FTO: variants seen among roughly 807,000 people sequenced by gnomAD.
FTO encodes FTO alpha-ketoglutarate dependent dioxygenase.
FTO carries 47 observed loss-of-function variants against 63.9 expected under a neutral mutation model. The ratio of observed to expected loss-of-function variants is 0.74; its 90% CI spans 0.58 to 0.94. The LOEUF is 0.94. Among genes scored for constraint, FTO ranks in the 40% least tolerant of loss-of-function variants. The probability of loss-of-function intolerance (pLI) is 0.00; values close to 1 mark genes in which losing one functional copy is unlikely to be tolerated. For missense variants in FTO, 562 were observed against 618.1 expected (o/e 0.91, Z 0.96); for synonymous variants, 207 against 224.4 (o/e 0.92, Z 0.69).
At position 53,722,706 on chromosome 16, in the gene FTO, T is replaced by C. The variant is rs2076067357; in HGVS notation, c.45+18477T>C. On this transcript the variant is annotated intron_variant, in intron 1 of 8. Transcript: ENST00000471389. The stretch of plus-strand genomic sequence containing the variant: ...AGCCGGGTGTGGTGGTGTGTGCTTA[T>C]AATACCAGCTACTCGGGAAGCTGAG... Among the ~76,000 whole-genome samples the C allele has an allele frequency of 2.0e-5, 3 of 152,062 alleles. 1 individual carries two copies. In the South Asian group the frequency reaches 6.2e-4, roughly 32 times the overall value.
intron 8 of FTO, chr16:53,979,476 A>G (rs1346319290): frequency 5.0e-6 from 2 of 398,292 alleles, no homozygotes; most frequent in African/African-American, 4.1e-5. Flanking sequence ...AATTTTATGG[A>G]CTAAAAGTAA....
At chr16:53,911,326 C>G (rs117088391) in intron 7 of FTO, 10,757 of 700,410 alleles carry the variant, frequency 0.015, 117 homozygotes, top group Middle Eastern at 0.029. Flanking sequence ...GTCAGTGGAA[C>G]AGCCAGAGAT....
chr16:53,941,107 C>G (rs760505451), intron 8 of FTO, among the ~76,000 whole-genome samples: 20 of 152,348 alleles, frequency 1.3e-4, no homozygotes, highest in Admixed American at 2.6e-4. Context: ...CCACCGGTAT[C>G]TGTCTCCCCT....
chr16:53,932,385 T>A (rs1306757570), intron 7 of FTO, among the ~76,000 whole-genome samples: 1 of 151,724 alleles, frequency 6.6e-6, no homozygotes, highest in Admixed American at 6.6e-5. Context: ...AAACAGATTC[T>A]GATGTGGTTT....
In FTO at chr16:53,879,870, T is replaced by C. The variant is rs148109727; in HGVS notation, c.1002T>C (p.Ile334=). 1.2e-3 allele frequency: 1,993 copies of C among 1,613,970 alleles called. 28 individuals are homozygous for C. The African/African-American group carries it at 0.022, about 18-fold the overall frequency. The part of the protein sequence containing the change: ...AECSTGTLDY[I]LQRCQLALQN... ...GCTCAACAGGAACCTTGGATTATAT[T>C]TTACAACGCTGTCAGTTGGCTCTGC... The change falls in exon 6 of 9, where the codon ATT becomes ATC. Residue 334 remains isoleucine, a synonymous_variant. Transcript: ENST00000471389.
At chr16:53,964,294 T>C (rs2083149193) in intron 8 of FTO, among the ~76,000 whole-genome samples, 1 of 152,222 alleles carries the variant, frequency 6.6e-6, no homozygotes, top group African/African-American at 2.4e-5. Context: ...CTGGACAATA[T>C]GTAAATGAGT....
intron 8 of FTO, among the ~76,000 whole-genome samples, chr16:53,947,241 C>T (rs1275588769): frequency 6.6e-6 from 1 of 152,156 alleles, no homozygotes; most frequent in Non-Finnish European, 1.5e-5. Flanking sequence ...GTACCTTCTG[C>T]CAATCCCTGG....
Position 53,826,280 on chromosome 16 carries a change from G to A in FTO, c.540G>A (p.Gly180=). ...TGTCTGCAGATTTCCCCAGGGTTGG[G>A]ATGGGTTCATCCTACAACGGACAAG... The part of the protein sequence containing the change: ...LCMSADFPRV[G]MGSSYNGQDE... The change falls in exon 3 of 9, where the codon GGG becomes GGA. Residue 180 remains glycine, a synonymous_variant. Transcript: ENST00000471389. The A allele has an allele frequency of 6.2e-7, 1 of 1,614,198 alleles. No homozygotes were observed. Among genetic ancestry groups the A allele is most frequent in the Non-Finnish European group, 8.5e-7 (1 of 1,180,028 alleles).
chr16:53,762,266 C>T (rs1240808067), intron 1 of FTO, among the ~76,000 whole-genome samples: 1 of 152,142 alleles, frequency 6.6e-6, no homozygotes, highest in Non-Finnish European at 1.5e-5. Flanking sequence ...GAGTATGCCT[C>T]TCTTGTATAA....
chr16:53,903,761 A>G (rs2151930506), intron 7 of FTO, among the ~76,000 whole-genome samples: 1 of 152,298 alleles, frequency 6.6e-6, no homozygotes, highest in Non-Finnish European at 1.5e-5. Flanking sequence ...GTATCCTAAT[A>G]CATAACGTTT....
At chr16:54,080,557 G>A (rs754691277) in intron 8 of FTO, among the ~76,000 whole-genome samples, 1 of 152,158 alleles carries the variant, frequency 6.6e-6, no homozygotes, top group Non-Finnish European at 1.5e-5. Context: ...AATTGCCGAT[G>A]GTGAGGGGAC....
At chr16:54,037,083 C>A (rs545103457) in intron 8 of FTO, among the ~76,000 whole-genome samples, 1 of 152,270 alleles carries the variant, frequency 6.6e-6, no homozygotes, top group East Asian at 1.9e-4. Context: ...GTTTTCATGT[C>A]TCAGGTCCAA....
Position 53,810,615 on chromosome 16 carries a change from C to T in FTO, c.123+398C>T, listed in dbSNP as rs886803420. Among the ~76,000 whole-genome samples the T allele has an allele frequency of 3.9e-5, 6 of 152,136 alleles. No homozygotes were observed. The East Asian group carries it at 5.8e-4, about 15-fold the overall frequency. On this transcript the variant is annotated intron_variant, in intron 2 of 8. Transcript: ENST00000471389. The stretch of plus-strand genomic sequence containing the variant: ...CTACAAGTCAAGTTGATTGCACTCC[C>T]GGTAAATAACTCTATACCACCTAGC...
intron 4 of FTO, 75 bp from the exon 5 acceptor site, chr16:53,873,711 G>A: frequency 8.9e-7 from 1 of 1,122,596 alleles, no homozygotes; most frequent in Admixed American, 1.7e-5. Flanking sequence ...TTTACTTTGT[G>A]TTTTAGTTAA....
At chr16:54,063,085 A>G (rs2085624748) in intron 8 of FTO, among the ~76,000 whole-genome samples, 1 of 152,134 alleles carries the variant, frequency 6.6e-6, no homozygotes. Context: ...CTTTTCCTTT[A>G]TGAAGTAGAA....
chr16:54,017,992 T>C (rs2084492537), intron 8 of FTO, among the ~76,000 whole-genome samples: 1 of 152,104 alleles, frequency 6.6e-6, no homozygotes, highest in African/African-American at 2.4e-5. Flanking sequence ...ACTACCTCTG[T>C]GAACATTTTG....
chr16:53,897,860 A>G (rs557675291), intron 7 of FTO, among the ~76,000 whole-genome samples: 2 of 152,168 alleles, frequency 1.3e-5, no homozygotes, highest in Non-Finnish European at 2.9e-5. Flanking sequence ...TGAACTGTCC[A>G]GTTGCCCAGA....
chr16:53,958,539 A>AT (rs1013233668), intron 8 of FTO, among the ~76,000 whole-genome samples: 5 of 152,236 alleles, frequency 3.3e-5, no homozygotes, highest in Non-Finnish European at 5.9e-5. Context: ...AGAGAGCGAG[A>AT]TTAAGCTTAC....
chr16:54,031,791 T>C (rs8049544), intron 8 of FTO, among the ~76,000 whole-genome samples: 32,365 of 152,108 alleles, frequency 0.21, 4,678 homozygotes, highest in African/African-American at 0.4. Context: ...GATTTAACTA[T>C]GCCCATACCT....
Sources: allele counts gnomAD v4.1 joint callset (sites outside exome capture counted in the v4.1 genomes callset), GRCh38; gene constraint gnomAD v4.1.1; transcripts MANE v1.5; gene names NCBI Gene and HGNC (gene_info 2026-07-23, HGNC 2026-07-21).